Variants in HOXA10 observed in about 807,000 individuals in gnomAD.
HOXA10 encodes the protein homeobox protein Hox-A10.
Under a neutral mutation model 29.7 loss-of-function variants are expected in HOXA10, and 12 were observed. That is an observed-to-expected ratio of 0.40 (90% CI 0.26 to 0.65). HOXA10 has a LOEUF of 0.65. HOXA10 is among the 30% of genes least tolerant of loss of function. The pLI is 0.37. For missense variants in HOXA10, 656 were observed against 585.9 expected, an observed-to-expected ratio of 1.12 and a Z score of -1.24; for synonymous variants, 327 against 280.7, an observed-to-expected ratio of 1.16 and a Z score of -1.65.
rs1170807322 is a variant in HOXA10, at chr7:27,170,779, T to C, written c.*1120A>G. On this transcript the variant is annotated 3_prime_UTR_variant, in exon 2 of 2. Coordinates refer to ENST00000283921, the MANE Select transcript of HOXA10 (RefSeq NM_018951.4). ...AAACAAGATTGGCAATTCTTCATAA[T>C]AATAGACATTTATACAGATTTGTAT... The C allele has an allele frequency of 2.2e-6, 1 of 451,036 alleles. No homozygotes were observed. Among genetic ancestry groups the C allele is most frequent in the Non-Finnish European group, 4.4e-6 (1 of 226,312 alleles). 27.9% of individuals were successfully genotyped at this position (451,036 alleles called of 1,614,324 possible). A position where few individuals can be genotyped will look rare whatever the true frequency, so the allele number is the denominator to read the frequency against.
chr7:27,173,265 G>A, intron 1 of HOXA10, 84 bp downstream of exon 1: 9 of 1,582,448 alleles, frequency 5.7e-6, no homozygotes, highest in Non-Finnish European at 6.9e-6. Context: ...CGGCTGCTGC[G>A]CGGGCTCCTA....
chr7:27,173,524 GGC>G lies in HOXA10; in HGVS notation c.781_782del (p.Ala261ArgfsTer64), dbSNP rs1783566572. 4.1e-6 allele frequency: 6 copies of G among 1,459,176 alleles called. No homozygotes were observed. The highest frequency in any genetic ancestry group is 5.4e-6 in the Non-Finnish European group (6 of 1,114,682). 90.4% of individuals were successfully genotyped at this position (1,459,176 alleles called of 1,614,324 possible). A position where few individuals can be genotyped will look rare whatever the true frequency, so the allele number is the denominator to read the frequency against. On this transcript the variant is annotated frameshift_variant, in exon 1 of 2. Coordinates refer to ENST00000283921, the MANE Select transcript of HOXA10 (RefSeq NM_018951.4). LOFTEE classifies it high-confidence loss of function. Reference sequence around the variant, plus strand: ...GGGCTCGCTCCTTCCGGGCCGCATCGGCCGAGCCGGAGGCTAGCGCGGGCGGG... The same window carrying G: ...GGGCTCGCTCCTTCCGGGCCGCATCGCGAGCCGGAGGCTAGCGCGGGCGGG... ...DLPPALASGSADAARKERALD... is the reference protein window; with the variant it reads ...DLPPALASGSXDAARKERALD...
chr7:27,174,419 AG>A, upstream of HOXA10: 1 of 1,526,998 alleles, frequency 6.5e-7, no homozygotes, highest in Non-Finnish European at 8.8e-7. Flanking sequence ...TTGGTTTCGT[AG>A]GCGCGGGGCC....
chr7:27,175,195 C>T (rs766069614), upstream of HOXA10: 4 of 152,308 alleles, frequency 2.6e-5, no homozygotes, highest in Non-Finnish European at 5.9e-5. Context: ...CTAGGGAAGA[C>T]TCTAAGCCCA....
chr7:27,173,067 A>T, intron 1 of HOXA10: 1 of 505,350 alleles, frequency 2.0e-6, no homozygotes, highest in South Asian at 2.2e-5. Context: ...CGGCCACAGG[A>T]AAGAGCGCAC....
At chr7:27,179,191 T>A (rs1426854062), upstream of HOXA10, among the ~76,000 whole-genome samples, 1 of 152,142 alleles carries the variant, frequency 6.6e-6, no homozygotes, top group Non-Finnish European at 1.5e-5. Context: ...ATGCACCTAG[T>A]AGGAAACCAG....
At chr7:27,179,698 C>T (rs915475633) in exon 1 of HOXA10, 4 of 773,962 alleles carry the variant, frequency 5.2e-6, no homozygotes, top group Non-Finnish European at 9.6e-6. Context: ...CTCCGCGCGG[C>T]GACGCTCGCG....
At chr7:27,179,223 C>A (rs1783706845), upstream of HOXA10, among the ~76,000 whole-genome samples, 1 of 152,004 alleles carries the variant, frequency 6.6e-6, no homozygotes, top group African/African-American at 2.4e-5. Context: ...ACTTCTGCCC[C>A]TGGGAATAAG....
rs749439718 is a variant in HOXA10, at chr7:27,174,025, C to T, written c.282G>A (p.Pro94=). 6.5e-7 allele frequency: 1 copy of T among 1,530,384 alleles called. No individual in the cohort carries two copies. Among genetic ancestry groups the T allele is most frequent in the Admixed American group, 2.0e-5 (1 of 50,826 alleles). The allele number at this position is 1,530,384 out of a possible 1,614,324, so 94.8% of individuals were successfully genotyped here. A position where few individuals can be genotyped will look rare whatever the true frequency, so the allele number is the denominator to read the frequency against. The change falls in exon 1 of 2, where the codon CCG becomes CCA. Residue 94 remains proline, a synonymous_variant. Coordinates refer to ENST00000283921, the MANE Select transcript of HOXA10 (RefSeq NM_018951.4). The stretch of plus-strand genomic sequence containing the variant: ...GACCCCCGCCACCGCCACCGCTGCC[C>T]GGCGACGCTGCCTCATTGCGCTTGC... The part of the protein sequence containing the change: ...LGGKRNEAAS[P]GSGGGGGGLG...
upstream of HOXA10, chr7:27,174,562 G>A: frequency 1.7e-6 from 1 of 592,218 alleles, no homozygotes; most frequent in East Asian, 3.2e-5. Context: ...GTGGCTGGTG[G>A]GGGGCCTGGC....
At chr7:27,178,127 A>G (rs7806799), upstream of HOXA10, among the ~76,000 whole-genome samples, 137,516 of 152,296 alleles carry the variant, frequency 0.9, 62,158 homozygotes, top group Middle Eastern at 0.98. Flanking sequence ...TAAACAATTT[A>G]TATCTGGAGG....
chr7:27,179,538 G>T (rs182444432), intron 1 of HOXA10: 2 of 718,440 alleles, frequency 2.8e-6, no homozygotes, highest in African/African-American at 3.5e-5. Flanking sequence ...GCTCCCTACC[G>T]CGTCACCCCA....
upstream of HOXA10, among the ~76,000 whole-genome samples, chr7:27,177,595 A>G (rs1783676966): frequency 6.6e-6 from 1 of 152,118 alleles, no homozygotes; most frequent in East Asian, 1.9e-4. Flanking sequence ...CATGCTCTCT[A>G]GACTTTAACA....
At chr7:27,173,266 C>T in intron 1 of HOXA10, 83 bp downstream of exon 1, 1 of 1,584,096 alleles carries the variant, frequency 6.3e-7, no homozygotes, top group Non-Finnish European at 8.6e-7. Flanking sequence ...GGCTGCTGCG[C>T]GGGCTCCTAG....
Position 27,171,614 on chromosome 7 carries a change from C to G in HOXA10, c.*285G>C, listed in dbSNP as rs1233659473. The stretch of plus-strand genomic sequence containing the variant: ...TGGGACCCCAAGACAGCAAACCCAG[C>G]CCAGTCAGGACTTGACACTTAGGAC... On this transcript the variant is annotated 3_prime_UTR_variant, in exon 2 of 2. Transcript: ENST00000283921. The G allele has an allele frequency of 1.8e-6, 1 of 559,130 alleles. No individual in the cohort carries two copies. The allele number at this position is 559,130 out of a possible 1,614,324, so 34.6% of individuals were successfully genotyped here. A position where few individuals can be genotyped will look rare whatever the true frequency, so the allele number is the denominator to read the frequency against.
At position 27,171,853 on chromosome 7, in the gene HOXA10, G is replaced by A. The variant is rs373365520; in HGVS notation, c.*46C>T. Reference sequence around the variant, plus strand: ...GGCAGAGCCTGAAGACAGAGGGAGGGGACCAGCGCTCGGGAAGTGAAAAAA... The same window carrying A: ...GGCAGAGCCTGAAGACAGAGGGAGGAGACCAGCGCTCGGGAAGTGAAAAAA... On this transcript the variant is annotated 3_prime_UTR_variant, in exon 2 of 2. Transcript: ENST00000283921. 11 of 1,606,048 alleles carry A rather than the reference G, an allele frequency of 6.8e-6. No individual in the cohort carries two copies. The highest frequency in any genetic ancestry group is 1.7e-4 in the Middle Eastern group (1 of 5,880).
rs1402162059 is a variant in HOXA10, at chr7:27,174,133, G to A, written c.174C>T (p.Tyr58=). The change falls in exon 1 of 2, where the codon TAC becomes TAT. Residue 58 remains tyrosine (Y), a synonymous_variant. Coordinates refer to ENST00000283921, the MANE Select transcript of HOXA10 (RefSeq NM_018951.4). ...GAGGGGGGGY[Y]AHGGVYLPPA... ...GCGGCAGGTAGACCCCGCCGTGGGC[G>A]TAGTAACCGCCACCGCCGCCGCCCC... is the stretch of plus-strand genomic sequence containing the variant. 2.5e-6 allele frequency: 4 copies of A among 1,593,228 alleles called. No homozygotes were observed. The South Asian group carries it at 3.3e-5, about 13-fold the overall frequency.
chr7:27,170,805 T>G lies in HOXA10; in HGVS notation c.*1094A>C, dbSNP rs1783455110. On this transcript the variant is annotated 3_prime_UTR_variant, in exon 2 of 2. Transcript: ENST00000283921. ...AATAGACATTTATACAGATTTGTAT[T>G]TATAGTTTTTTTCTTTTTCTGCATC... The G allele has an allele frequency of 2.4e-6, 1 of 413,446 alleles. No individual in the cohort carries two copies. Among genetic ancestry groups the G allele is most frequent in the Non-Finnish European group, 4.7e-6 (1 of 213,524 alleles). The allele number at this position is 413,446 out of a possible 1,614,324, so 25.6% of individuals were successfully genotyped here.
chr7:27,178,018 C>G (rs962783253), upstream of HOXA10, among the ~76,000 whole-genome samples: 5 of 152,234 alleles, frequency 3.3e-5, no homozygotes, highest in African/African-American at 1.2e-4. Context: ...TCACTAGGTA[C>G]TCCTTCTGAG....
Sources: allele counts gnomAD v4.1 joint callset (sites outside exome capture counted in the v4.1 genomes callset), GRCh38; gene constraint gnomAD v4.1.1; transcripts MANE v1.5; gene names NCBI Gene and HGNC (gene_info 2026-07-23, HGNC 2026-07-21).